Variants in TAF1 observed in about 807,000 individuals in gnomAD.
TAF1 encodes the protein transcription initiation factor TFIID subunit 1.
Under a neutral mutation model 138.5 loss-of-function variants are expected in TAF1, and 2 were observed. The ratio of observed to expected loss-of-function variants is 0.01; its 90% CI spans 0.01 to 0.05. The LOEUF is 0.05. TAF1 is among the 10% of genes least tolerant of loss of function. The probability of loss-of-function intolerance (pLI) is 1.00; values close to 1 mark genes in which losing one functional copy is unlikely to be tolerated. For synonymous variants in TAF1, 437 were observed against 503.2 expected, an observed-to-expected ratio of 0.87 and a Z score of 1.76; for missense variants, 709 against 1,478.0, an observed-to-expected ratio of 0.48 and a Z score of 8.53.
At chrX:71,489,018 G>A (rs1339747692) in intron 13 of TAF1, among the ~76,000 whole-genome samples, 1 of 105,858 alleles carries the variant, frequency 9.4e-6, no homozygotes, top group Non-Finnish European at 1.9e-5. Context: ...AGTGAGCCGA[G>A]ATCGCACCAC....
At position 71,366,386 on chromosome X, in the gene TAF1, G is replaced by C; in HGVS notation, c.12G>C (p.Thr4=). Residue 4 remains threonine, a synonymous_variant, in exon 1 of 38, where the codon ACG becomes ACC. Coordinates refer to ENST00000423759, the MANE Select transcript of TAF1 (RefSeq NM_004606.5). The part of the protein sequence containing the change: MSD[T]DSDEDSAGGG... The stretch of plus-strand genomic sequence containing the variant: ...CTGCTGCCGCCATCATGTCAGACAC[G>C]GACAGCGACGAAGATTCCGCTGGAG... The C allele has an allele frequency of 8.3e-7, 1 of 1,210,788 alleles. No homozygotes were observed.
At chrX:71,421,953 C>T (rs948864283) in intron 29 of TAF1, among the ~76,000 whole-genome samples, 1 of 111,817 alleles carries the variant, frequency 8.9e-6, no homozygotes, top group Non-Finnish European at 1.9e-5. Context: ...AAATTTAAAC[C>T]ACGATGTCAC....
At chrX:71,452,757 C>G (rs2038076414) in intron 32 of TAF1, among the ~76,000 whole-genome samples, 1 of 112,014 alleles carries the variant, frequency 8.9e-6, no homozygotes, top group Admixed American at 9.4e-5. Flanking sequence ...CCACTGCACT[C>G]CAGCCTGGGC....
intron 13 of TAF1, chrX:71,492,861 C>G (rs1223711735): frequency 1.8e-5 from 2 of 112,694 alleles, no homozygotes; most frequent in African/African-American, 3.2e-5. Context: ...GTCTGCGAGC[C>G]GGTGTCGCGG....
chrX:71,441,516 G>T (rs927399867), intron 32 of TAF1, among the ~76,000 whole-genome samples: 13 of 110,934 alleles, frequency 1.2e-4, no homozygotes, highest in Non-Finnish European at 2.3e-4. Context: ...TCAGATCAGG[G>T]TAATTAGCAC....
intron 32 of TAF1, among the ~76,000 whole-genome samples, chrX:71,439,995 C>T (rs932722738): frequency 3.6e-5 from 4 of 110,921 alleles, no homozygotes; most frequent in East Asian, 2.8e-4. Flanking sequence ...TGTGCAATTT[C>T]GTGCCATATA....
At chrX:71,418,198 A>G (rs747957695) in intron 28 of TAF1, among the ~76,000 whole-genome samples, 5 of 111,993 alleles carry the variant, frequency 4.5e-5, no homozygotes, top group Non-Finnish European at 7.5e-5. Flanking sequence ...GGCCGAAGCA[A>G]TCCTCCTGTG....
intron 13 of TAF1, among the ~76,000 whole-genome samples, chrX:71,517,085 A>G (rs2039838622): frequency 9.1e-6 from 1 of 109,963 alleles, no homozygotes; most frequent in African/African-American, 3.3e-5. Context: ...TCAAAGCGTG[A>G]CAGGAATTTG....
chrX:71,473,386 C>T (rs1406501187), intron 13 of TAF1, among the ~76,000 whole-genome samples: 3 of 110,969 alleles, frequency 2.7e-5, no homozygotes, highest in Non-Finnish European at 3.8e-5. Flanking sequence ...AAAGCCAGAG[C>T]CATGGCCAGG....
At chrX:71,366,945 TC>T (rs765919406) in intron 1 of TAF1, among the ~76,000 whole-genome samples, 8 of 111,921 alleles carry the variant, frequency 7.1e-5, no homozygotes, top group African/African-American at 9.7e-5. Flanking sequence ...AATGGGGTGT[TC>T]CTAGCACCCG....
rs1602774070 is a variant in TAF1, at chrX:71,465,822, T to C, written c.*1776T>C. 8.9e-6 allele frequency: 1 copy of C among 112,154 alleles called. No homozygotes were observed. The highest frequency in any genetic ancestry group is 1.9e-5 in the Non-Finnish European group (1 of 53,250). 9.2% of individuals were successfully genotyped at this position (112,154 alleles called of 1,213,427 possible). ...ATATATATACTTGTGTATGCAAAGG[T>C]AAAAGTCTGAAAGGATATATGCTAA... On this transcript the variant is annotated 3_prime_UTR_variant, in exon 38 of 38. Transcript: ENST00000423759.
At chrX:71,406,057 G>A (rs1164222417) in intron 25 of TAF1, among the ~76,000 whole-genome samples, 1 of 110,060 alleles carries the variant, frequency 9.1e-6, no homozygotes, top group Non-Finnish European at 1.9e-5. Flanking sequence ...GGCTGGGTTC[G>A]ATGGCTCACA....
intron 3 of TAF1, among the ~76,000 whole-genome samples, chrX:71,373,261 C>T (rs753232775): frequency 5.6e-4 from 60 of 107,195 alleles, no homozygotes; most frequent in African/African-American, 2.0e-3. Flanking sequence ...TCTGCCTCCC[C>T]GGTTCAAGCA....
chrX:71,381,494 A>G (rs986775919), intron 8 of TAF1, among the ~76,000 whole-genome samples: 1 of 111,208 alleles, frequency 9.0e-6, no homozygotes, highest in African/African-American at 3.3e-5. Context: ...TGAACTCCTG[A>G]CCTGAAGTGA....
chrX:71,421,958 T>C (rs1305258859), intron 29 of TAF1, among the ~76,000 whole-genome samples: 1 of 112,035 alleles, frequency 8.9e-6, no homozygotes, highest in Non-Finnish European at 1.9e-5. Context: ...TAAACCACGA[T>C]GTCACTACAT....
Position 71,501,334 on chromosome X carries a change from G to T in TAF1, c.1367-27208G>T, listed in dbSNP as rs187477115. Among the ~76,000 whole-genome samples the T allele has an allele frequency of 9.9e-5, 11 of 111,090 alleles. No individual in the cohort carries two copies. The East Asian group carries it at 2.8e-3, about 29-fold the overall frequency. Reference sequence around the variant, plus strand: ...AGGCAAAAAATATGTCTTTCTGATTGCTGAGCCCGGGTGCCTAAAGAAGGG... The same window carrying T: ...AGGCAAAAAATATGTCTTTCTGATTTCTGAGCCCGGGTGCCTAAAGAAGGG... On this transcript the variant is annotated intron_variant and NMD_transcript_variant, in intron 13 of 14. Coordinates refer to the TAF1 transcript ENST00000373775.
At chrX:71,467,539 A>G (rs1299863613), downstream of TAF1, among the ~76,000 whole-genome samples, 2 of 112,193 alleles carry the variant, frequency 1.8e-5, no homozygotes, top group Admixed American at 1.9e-4. Context: ...TTCTATATCT[A>G]CAATTTATTG....
chrX:71,514,365 A>C (rs1323188066), intron 13 of TAF1, among the ~76,000 whole-genome samples: 1 of 106,705 alleles, frequency 9.4e-6, no homozygotes, highest in African/African-American at 3.4e-5. Context: ...AAAACCATTG[A>C]GAGGGGAAGG....
rs2036447334 is a variant in TAF1 at position 71,423,328 on chromosome X, T to C, written c.4575+89T>C. On this transcript the variant is annotated intron_variant, in intron 30 of 37. Coordinates refer to ENST00000423759, the MANE Select transcript of TAF1 (RefSeq NM_004606.5). ...GTACACGTGTGTGTATTTTGGAGAG[T>C]CTGAGTGGTGGTGTATGTCAGTTGT... 3 of 1,159,697 alleles carry C rather than the reference T, an allele frequency of 2.6e-6. No individual in the cohort carries two copies. In the Admixed American group the frequency reaches 7.0e-5, roughly 27 times the overall value.
Sources: gnomAD v4.1 joint callset for allele counts (sites outside exome capture counted in the v4.1 genomes callset) on GRCh38, gnomAD v4.1.1 for gene constraint, MANE v1.5 for transcripts, NCBI Gene and HGNC (gene_info 2026-07-23, HGNC 2026-07-21) for gene names.